YPEL2: variants seen among roughly 807,000 people sequenced by gnomAD.
YPEL2 encodes the protein yippee like 2.
YPEL2 carries 2 observed loss-of-function variants against 19.1 expected under a neutral mutation model. The observed-to-expected ratio is 0.10, with a 90% confidence interval of 0.04 to 0.33. YPEL2 has a LOEUF of 0.33. Among genes scored for constraint, YPEL2 ranks in the 10% least tolerant of loss-of-function variants. YPEL2 has a pLI of 1.00. For missense variants in YPEL2, 66 were observed against 140.7 expected (o/e 0.47, Z 2.68); for synonymous variants, 52 against 50.0 (o/e 1.04, Z -0.17).
At chr17:59,365,252 T>C (rs1480394012) in intron 2 of YPEL2, among the ~76,000 whole-genome samples, 2 of 152,148 alleles carry the variant, frequency 1.3e-5, no homozygotes, top group Non-Finnish European at 2.9e-5. Flanking sequence ...TTGAGGCCTC[T>C]CCTCATGGAA....
chr17:59,397,073 A>G (rs187856753), intron 4 of YPEL2, 28 bp from the exon 5 acceptor site: 14 of 1,560,220 alleles, frequency 9.0e-6, no homozygotes, highest in Non-Finnish European at 1.2e-5. Context: ...GTCGTTCAGT[A>G]TCTCTTCTCT....
At chr17:59,382,158 C>G (rs1422207447) in intron 2 of YPEL2, among the ~76,000 whole-genome samples, 2 of 152,244 alleles carry the variant, frequency 1.3e-5, no homozygotes, top group Non-Finnish European at 2.9e-5. Context: ...ACAGCTGATC[C>G]CGAGTGCCAG....
chr17:59,374,708 A>G lies in YPEL2; in HGVS notation c.118-13619A>G, dbSNP rs2047912149. Among the ~76,000 whole-genome samples the G allele has an allele frequency of 2.0e-5, 3 of 152,354 alleles. No homozygotes were observed. In the South Asian group the frequency reaches 6.2e-4, roughly 32 times the overall value. On this transcript the variant is annotated intron_variant, in intron 2 of 4. Transcript: ENST00000312655. ...AAACAATAGTGAACATGGTCAGACCAGGCCACATAGGGAAAATTTGAAGGG... is the reference window on the plus strand; with the variant it reads ...AAACAATAGTGAACATGGTCAGACCGGGCCACATAGGGAAAATTTGAAGGG...
chr17:59,381,027 A>G (rs1016658712), intron 2 of YPEL2, among the ~76,000 whole-genome samples: 1 of 152,242 alleles, frequency 6.6e-6, no homozygotes, highest in African/African-American at 2.4e-5. Context: ...AAGGCCAAGG[A>G]GGAGAGGTAG....
rs745965774 is a variant in YPEL2 at position 59,397,189 on chromosome 17, G to T, written c.359G>T (p.Ter120LeuextTer23). ...ATGATCAAGGACAATGGCTGGGACTGATTGGACAGCATCTACCCAACCCAG... is the reference window on the plus strand; with the variant it reads ...ATGATCAAGGACAATGGCTGGGACTTATTGGACAGCATCTACCCAACCCAG... The part of the protein sequence containing the change: ...AHMIKDNGWD[*>L] The change falls in exon 5 of 5, where the codon TGA (stop) becomes TTA (leucine). Residue 120 changes from the stop codon to leucine, a stop_lost. Transcript: ENST00000312655. 3 of 1,604,792 alleles carry T rather than the reference G, an allele frequency of 1.9e-6. No individual in the cohort carries two copies. The highest frequency in any genetic ancestry group is 2.6e-6 in the Non-Finnish European group (3 of 1,175,792).
At chr17:59,352,245 C>A (rs2047791153) in intron 1 of YPEL2, among the ~76,000 whole-genome samples, 1 of 152,216 alleles carries the variant, frequency 6.6e-6, no homozygotes, top group Admixed American at 6.5e-5. Flanking sequence ...ATTAGTGAAG[C>A]CCAGGGGATA....
chr17:59,370,806 T>G (rs1004104516), intron 2 of YPEL2, among the ~76,000 whole-genome samples: 3 of 152,164 alleles, frequency 2.0e-5, no homozygotes, highest in African/African-American at 7.2e-5. Flanking sequence ...TTCCTTAAGC[T>G]GTTTGCTGAT....
At chr17:59,375,529 G>A (rs1328907434) in intron 2 of YPEL2, among the ~76,000 whole-genome samples, 1 of 152,180 alleles carries the variant, frequency 6.6e-6, no homozygotes, top group Non-Finnish European at 1.5e-5. Context: ...GACTCAGAGG[G>A]TGTTCCCTCG....
intron 2 of YPEL2, among the ~76,000 whole-genome samples, chr17:59,384,209 T>TATCTAAGAACACAATGG (rs1325173942): frequency 6.6e-6 from 1 of 152,226 alleles, no homozygotes; most frequent in Non-Finnish European, 1.5e-5. Context: ...ATGGATTGTG[T>TATCTAAGAACACAATGG]TTCTGGTGTA....
intron 2 of YPEL2, among the ~76,000 whole-genome samples, chr17:59,372,673 G>A (rs1049198613): frequency 6.6e-6 from 1 of 152,154 alleles, no homozygotes; most frequent in Non-Finnish European, 1.5e-5. Flanking sequence ...TTTAGATGTG[G>A]GCACAATAGA....
chr17:59,332,903 T>A (rs746283009), intron 1 of YPEL2, among the ~76,000 whole-genome samples: 3 of 152,190 alleles, frequency 2.0e-5, no homozygotes, highest in Non-Finnish European at 4.4e-5. Flanking sequence ...TTGCCTTTGG[T>A]GAATCTGAAG....
At chr17:59,340,741 T>C (rs528428054) in intron 1 of YPEL2, among the ~76,000 whole-genome samples, 1 of 133,076 alleles carries the variant, frequency 7.5e-6, no homozygotes, top group African/African-American at 2.9e-5. Context: ...GAAATGGCGA[T>C]GTCTTGCTCT....
At chr17:59,349,293 ATC>A (rs1382890749) in intron 1 of YPEL2, among the ~76,000 whole-genome samples, 1 of 149,984 alleles carries the variant, frequency 6.7e-6, no homozygotes, top group East Asian at 1.9e-4. Context: ...TTTGGTCCCC[ATC>A]TCTCAGCTTG....
At chr17:59,345,829 T>TC (rs1433064777) in intron 1 of YPEL2, among the ~76,000 whole-genome samples, 1 of 152,192 alleles carries the variant, frequency 6.6e-6, no homozygotes, top group African/African-American at 2.4e-5. Context: ...TGCTGAATAC[T>TC]CCAATTGCGT....
At chr17:59,387,041 AC>A (rs2047983619) in intron 2 of YPEL2, among the ~76,000 whole-genome samples, 1 of 152,016 alleles carries the variant, frequency 6.6e-6, no homozygotes, top group Non-Finnish European at 1.5e-5. Context: ...CGGGTGGATC[AC>A]CAAGGTCAGG....
chr17:59,395,572 G>A (rs909988591), intron 4 of YPEL2, among the ~76,000 whole-genome samples: 2 of 152,196 alleles, frequency 1.3e-5, no homozygotes, highest in African/African-American at 4.8e-5. Flanking sequence ...CACCTGCCAG[G>A]TGGTTAGTAT....
intron 2 of YPEL2, among the ~76,000 whole-genome samples, chr17:59,376,532 T>G (rs902223564): frequency 6.6e-6 from 1 of 152,172 alleles, no homozygotes; most frequent in Non-Finnish European, 1.5e-5. Context: ...AGTTTGACCT[T>G]AGGCATATTT....
intron 2 of YPEL2, among the ~76,000 whole-genome samples, chr17:59,370,916 AC>A (rs2047894017): frequency 6.6e-6 from 1 of 152,090 alleles, no homozygotes; most frequent in Non-Finnish European, 1.5e-5. Context: ...AGGGGGAGTG[AC>A]CCTGTGCAGT....
At chr17:59,364,852 G>A (rs538106873) in intron 2 of YPEL2, among the ~76,000 whole-genome samples, 3 of 152,210 alleles carry the variant, frequency 2.0e-5, no homozygotes, top group East Asian at 1.9e-4. Flanking sequence ...GGCTGATCTC[G>A]AACTCCTGAC....
Sources: allele counts gnomAD v4.1 joint callset (sites outside exome capture counted in the v4.1 genomes callset), GRCh38; gene constraint gnomAD v4.1.1; transcripts MANE v1.5; gene names NCBI Gene and HGNC (gene_info 2026-07-23, HGNC 2026-07-21).